The following SAMD12 variants were observed in gnomAD, a reference collection of about 807,000 sequenced individuals.
SAMD12 encodes the protein sterile alpha motif domain containing 12.
In SAMD12, 9 loss-of-function variants were observed where a neutral mutation model predicts 15.0. The observed-to-expected ratio is 0.60, with a 90% CI of 0.36 to 1.05. SAMD12 has a LOEUF of 1.05. Among genes scored for constraint, SAMD12 ranks in the 50% least tolerant of loss-of-function variants. The pLI is 0.01. For synonymous variants in SAMD12, 86 were observed against 90.1 expected, an observed-to-expected ratio of 0.96 and a Z score of 0.25; for missense variants, 230 against 234.2, an observed-to-expected ratio of 0.98 and a Z score of 0.12.
chr8:118,548,423 A>ACACCCCC (rs1491292990), intron 2 of SAMD12, among the ~76,000 whole-genome samples: 1 of 125,260 alleles, frequency 8.0e-6, no homozygotes, highest in African/African-American at 3.0e-5. Flanking sequence ...ACACACACAC[A>ACACCCCC]CCCCATGTGA....
At chr8:118,589,428 C>T (rs533715683) in intron 1 of SAMD12, among the ~76,000 whole-genome samples, 2 of 152,308 alleles carry the variant, frequency 1.3e-5, no homozygotes, top group East Asian at 3.9e-4. Context: ...TCTAGTTTTC[C>T]AAAGACTACT....
At chr8:118,578,310 T>A (rs1159488029) in intron 2 of SAMD12, among the ~76,000 whole-genome samples, 1 of 152,188 alleles carries the variant, frequency 6.6e-6, no homozygotes, top group Non-Finnish European at 1.5e-5. Flanking sequence ...TTTCAATGTG[T>A]TCTCCTGTAG....
chr8:118,539,458 T>G (rs145124533), intron 2 of SAMD12, among the ~76,000 whole-genome samples: 1 of 152,174 alleles, frequency 6.6e-6, no homozygotes, highest in African/African-American at 2.4e-5. Flanking sequence ...GAAAATCCTG[T>G]CTTGGTACAT....
chr8:118,164,373 G>A, the SAMD12 span, among the ~76,000 whole-genome samples: 1 of 152,106 alleles, frequency 6.6e-6, no homozygotes, highest in Non-Finnish European at 1.5e-5. Flanking sequence ...AGCCACCCAC[G>A]CCACTGTCAA....
At chr8:118,330,213 C>T (rs769837772) in intron 4 of SAMD12, among the ~76,000 whole-genome samples, 1 of 152,098 alleles carries the variant, frequency 6.6e-6, no homozygotes, top group African/African-American at 2.4e-5. Flanking sequence ...GATGTAGCTA[C>T]GTTGGATTTA....
chr8:118,328,228 T>C (rs1816651272), intron 4 of SAMD12, among the ~76,000 whole-genome samples: 2 of 152,158 alleles, frequency 1.3e-5, no homozygotes, highest in Non-Finnish European at 2.9e-5. Flanking sequence ...CAAATTTTAT[T>C]GCTTCCCATC....
chr8:118,478,446 A>G (rs1824027205), intron 2 of SAMD12, among the ~76,000 whole-genome samples: 1 of 152,240 alleles, frequency 6.6e-6, no homozygotes, highest in Admixed American at 6.5e-5. Context: ...TTAAGCCACA[A>G]AGTAATGAAC....
rs140807821 is a variant in SAMD12, at chr8:118,287,647, T to A, written c.434-89915A>T. Among the ~76,000 whole-genome samples, 999 of 152,188 alleles carry A rather than the reference T, an allele frequency of 6.6e-3. 14 individuals are homozygous for A. Among genetic ancestry groups the A allele is most frequent in the African/African-American group, 0.023 (952 of 41,514 alleles). On this transcript the variant is annotated intron_variant, in intron 4 of 4. Coordinates refer to the SAMD12 transcript ENST00000409003. The stretch of plus-strand genomic sequence containing the variant: ...ATAACTCATGATACCAATTTGTAAT[T>A]AAGAGGAAAGAAAGAAAGGACTAGG...
At chr8:118,303,055 T>A (rs559130831) in intron 4 of SAMD12, among the ~76,000 whole-genome samples, 5 of 152,326 alleles carry the variant, frequency 3.3e-5, no homozygotes, top group African/African-American at 7.2e-5. Flanking sequence ...TGAAGACTCA[T>A]CCATCATCAA....
intron 2 of SAMD12, among the ~76,000 whole-genome samples, chr8:118,472,069 C>T (rs1040317921): frequency 1.3e-5 from 2 of 152,028 alleles, no homozygotes; most frequent in Non-Finnish European, 2.9e-5. Context: ...GGGTGAATCA[C>T]GAGGTCAGGA....
rs566538269 is a variant in SAMD12, at chr8:118,455,335, C to T, written c.193-15374G>A. ...CCTTTCTAGAATGCCTATTACTAAA[C>T]ATTGGACCTTCCAGATTGAATATCT... On this transcript the variant is annotated intron_variant, in intron 2 of 3. Coordinates refer to ENST00000314727, the MANE Select transcript of SAMD12 (RefSeq NM_207506.3). Among the ~76,000 whole-genome samples, 4 of 151,394 alleles carry T rather than the reference C, an allele frequency of 2.6e-5. No individual in the cohort carries two copies. In the South Asian group the frequency reaches 6.3e-4, roughly 24 times the overall value.
chr8:118,547,015 T>C (rs1826148890), intron 2 of SAMD12, among the ~76,000 whole-genome samples: 1 of 152,202 alleles, frequency 6.6e-6, no homozygotes. Context: ...AAAAAGAATG[T>C]TTACAGAATA....
At chr8:118,334,313 G>T (rs1207088451) in intron 4 of SAMD12, among the ~76,000 whole-genome samples, 1 of 152,086 alleles carries the variant, frequency 6.6e-6, no homozygotes, top group East Asian at 1.9e-4. Context: ...TATGTACACA[G>T]TATCTCTTTG....
chr8:118,534,081 T>C (rs566117252), intron 2 of SAMD12, among the ~76,000 whole-genome samples: 87 of 152,348 alleles, frequency 5.7e-4, no homozygotes, highest in African/African-American at 1.7e-3. Context: ...TGGCTGGTAC[T>C]GGTTGTTCCT....
At chr8:118,333,392 C>A (rs1428864593) in intron 4 of SAMD12, among the ~76,000 whole-genome samples, 5 of 152,186 alleles carry the variant, frequency 3.3e-5, no homozygotes, top group African/African-American at 1.2e-4. Flanking sequence ...TGGGTAGAAG[C>A]CAATGCCCAG....
intron 4 of SAMD12, among the ~76,000 whole-genome samples, chr8:118,366,054 G>T (rs890706059): frequency 5.3e-5 from 8 of 152,012 alleles, no homozygotes; most frequent in African/African-American, 1.9e-4. Context: ...ATCATATTTT[G>T]CCAAAAGCTA....
chr8:118,616,891 G>A (rs1174847022), intron 1 of SAMD12, among the ~76,000 whole-genome samples: 2 of 152,214 alleles, frequency 1.3e-5, no homozygotes, highest in Non-Finnish European at 2.9e-5. Flanking sequence ...ACTGTGAACT[G>A]CACATGTGAG....
intron 3 of SAMD12, among the ~76,000 whole-genome samples, chr8:118,394,578 A>G (rs1045100295): frequency 4.6e-5 from 7 of 152,344 alleles, no homozygotes; most frequent in African/African-American, 1.7e-4. Flanking sequence ...GGCAGAGCTT[A>G]AGAGTGACAG....
At chr8:118,534,409 C>T (rs1692061590) in intron 2 of SAMD12, among the ~76,000 whole-genome samples, 2 of 152,068 alleles carry the variant, frequency 1.3e-5, no homozygotes, top group Non-Finnish European at 2.9e-5. Flanking sequence ...GTGAATCTGA[C>T]AATTATGTGT....
Sources: allele counts gnomAD v4.1 joint callset (sites outside exome capture counted in the v4.1 genomes callset), GRCh38; gene constraint gnomAD v4.1.1; transcripts MANE v1.5; gene names NCBI Gene and HGNC (gene_info 2026-07-23, HGNC 2026-07-21).